PPARD: variants seen among roughly 807,000 people sequenced by gnomAD.
PPARD encodes peroxisome proliferator activated receptor delta.
PPARD carries 6 observed loss-of-function variants against 39.5 expected under a neutral mutation model. The observed-to-expected ratio is 0.15, with a 90% CI of 0.08 to 0.30. The LOEUF is 0.30. PPARD is among the 10% of genes least tolerant of loss of function. The pLI is 1.00. For missense variants in PPARD, 397 were observed against 596.8 expected (o/e 0.67, Z 3.49); for synonymous variants, 210 against 231.3 (o/e 0.91, Z 0.83).
At chr6:35,403,456 T>C (rs1298167037) in intron 2 of PPARD, among the ~76,000 whole-genome samples, 1 of 151,726 alleles carries the variant, frequency 6.6e-6, no homozygotes, top group African/African-American at 2.4e-5. Flanking sequence ...CTTTGGAGTA[T>C]TGCATCTCGA....
chr6:35,380,971 A>G (rs1763121616), intron 2 of PPARD, among the ~76,000 whole-genome samples: 1 of 151,902 alleles, frequency 6.6e-6, no homozygotes, highest in Non-Finnish European at 1.5e-5. Context: ...CCACCGCTCC[A>G]TCTCTCCAGG....
At chr6:35,398,852 G>A (rs1448936252) in intron 2 of PPARD, among the ~76,000 whole-genome samples, 1 of 152,206 alleles carries the variant, frequency 6.6e-6, no homozygotes, top group Non-Finnish European at 1.5e-5. Context: ...GGTGGCTTAT[G>A]TCTGTAATCC....
At chr6:35,377,425 A>G (rs1361058173) in intron 2 of PPARD, among the ~76,000 whole-genome samples, 3 of 152,206 alleles carry the variant, frequency 2.0e-5, no homozygotes, top group East Asian at 3.8e-4. Context: ...GAAGCTTTTC[A>G]TGATGCAGCC....
intron 2 of PPARD, among the ~76,000 whole-genome samples, chr6:35,372,582 T>A (rs1370173031): frequency 1.3e-5 from 2 of 152,256 alleles, no homozygotes; most frequent in Admixed American, 6.5e-5. Flanking sequence ...GTGACTTAAA[T>A]CCAGCCTACT....
intron 2 of PPARD, among the ~76,000 whole-genome samples, chr6:35,360,996 C>T (rs544430489): frequency 1.4e-4 from 22 of 152,174 alleles, no homozygotes; most frequent in Non-Finnish European, 2.8e-4. Flanking sequence ...TCATAGAGCT[C>T]GGGTAGCTAG....
chr6:35,391,720 T>C (rs772847841), intron 2 of PPARD, among the ~76,000 whole-genome samples: 4 of 152,184 alleles, frequency 2.6e-5, no homozygotes, highest in Non-Finnish European at 5.9e-5. Flanking sequence ...TGGAAGCCAG[T>C]ATGTCAGGAC....
Position 35,381,864 on chromosome 6 carries a change from A to G in PPARD, c.-101-29123A>G, listed in dbSNP as rs141739080. On this transcript the variant is annotated intron_variant, in intron 2 of 7. Transcript: ENST00000360694. ...CACCTACAATCTACTAGTTATGAAG[A>G]ACAGTCAAGGTGCCCCATTCCAGAG... Among the ~76,000 whole-genome samples, 45 of 152,366 alleles carry G rather than the reference A, an allele frequency of 3.0e-4. 1 individual carries two copies. In the East Asian group the frequency reaches 6.7e-3, roughly 23 times the overall value.
At chr6:35,406,444 C>CTGTA (rs1765055087) in intron 2 of PPARD, among the ~76,000 whole-genome samples, 1 of 152,150 alleles carries the variant, frequency 6.6e-6, no homozygotes, top group South Asian at 2.1e-4. Flanking sequence ...CAGACCTCAG[C>CTGTA]TGTAGATGGA....
intron 2 of PPARD, among the ~76,000 whole-genome samples, chr6:35,408,425 T>C (rs1189232085): frequency 6.6e-6 from 1 of 152,194 alleles, no homozygotes. Flanking sequence ...CTGCCCCAGC[T>C]GCCACTTGGA....
intron 4 of PPARD, among the ~76,000 whole-genome samples, chr6:35,420,810 A>T (rs1291517225): frequency 1.3e-5 from 2 of 149,994 alleles, no homozygotes; most frequent in South Asian, 2.1e-4. Context: ...TACCAAACTA[A>T]CAAAGAAGCT....
At chr6:35,394,014 T>A (rs553308464) in intron 2 of PPARD, among the ~76,000 whole-genome samples, 1 of 152,344 alleles carries the variant, frequency 6.6e-6, no homozygotes, top group Non-Finnish European at 1.5e-5. Context: ...CTCCTGACTC[T>A]TCTACTCCAC....
At chr6:35,385,295 A>G in intron 2 of PPARD, among the ~76,000 whole-genome samples, 1 of 150,258 alleles carries the variant, frequency 6.7e-6, no homozygotes, top group South Asian at 2.1e-4. Context: ...GTACTAAGAA[A>G]ACTTCTGCCT....
At chr6:35,355,427 C>T (rs939434026) in intron 2 of PPARD, among the ~76,000 whole-genome samples, 12 of 151,706 alleles carry the variant, frequency 7.9e-5, no homozygotes, top group Admixed American at 6.6e-4. Context: ...TGGTACATGC[C>T]TGTAGTTCCT....
rs540687692 is a variant in PPARD, at chr6:35,377,871, C to CTTTTTTTTTTTTTTTTTT, written c.-102+30732_-102+30733insTTTTTTTTTTTTTTTTTT. ...TGTGGGTCGCTGCTTGTTTACGTAT[C>CTTTTTTTTTTTTTTTTTT]TTTTTTTTTTTGAGACAGAGTGTTG... On this transcript the variant is annotated intron_variant, in intron 2 of 7. Transcript: ENST00000360694. Among the ~76,000 whole-genome samples, 999 of 120,214 alleles carry CTTTTTTTTTTTTTTTTTT rather than the reference C, an allele frequency of 8.3e-3. 120 individuals carry two copies. The highest frequency in any genetic ancestry group is 0.03 in the African/African-American group (680 of 22,730). 78.9% of individuals were successfully genotyped at this position (120,214 alleles called of 152,430 possible). A position where few individuals can be genotyped will look rare whatever the true frequency, so the allele number is the denominator to read the frequency against.
intron 4 of PPARD, among the ~76,000 whole-genome samples, chr6:35,421,397 G>T (rs934019400): frequency 2.4e-4 from 37 of 152,106 alleles, no homozygotes; most frequent in African/African-American, 8.2e-4. Context: ...GAGTGTAATG[G>T]CGCGATCTTG....
intron 2 of PPARD, among the ~76,000 whole-genome samples, chr6:35,389,089 G>A (rs1483421034): frequency 3.3e-5 from 5 of 152,154 alleles, no homozygotes; most frequent in African/African-American, 1.2e-4. Flanking sequence ...GAGGTGGGAG[G>A]ATAGCTTGAG....
rs138644369 is a variant in PPARD, at chr6:35,343,535, G to A, written c.-186+854G>A. ...CCTGCAGTTGACATAACCATGGGGT[G>A]GGGGTGGAGGTGTTCAGACCTTGAT... On this transcript the variant is annotated intron_variant, in intron 1 of 7. Coordinates refer to ENST00000360694, the MANE Select transcript of PPARD (RefSeq NM_006238.5). 2.6e-4 allele frequency among the ~76,000 whole-genome samples: 39 copies of A among 152,316 alleles called. 2 individuals are homozygous for A. In the East Asian group the frequency reaches 7.3e-3, roughly 29 times the overall value.
chr6:35,385,514 C>T (rs1231131754), intron 2 of PPARD, among the ~76,000 whole-genome samples: 1 of 149,398 alleles, frequency 6.7e-6, no homozygotes, highest in Non-Finnish European at 1.5e-5. Context: ...GCAGGGTCCT[C>T]TGCCTAGGAA....
chr6:35,380,476 G>GTTTTTTT (rs71002557), intron 2 of PPARD, among the ~76,000 whole-genome samples: 77 of 67,130 alleles, frequency 1.1e-3, no homozygotes, highest in East Asian at 1.6e-3. Flanking sequence ...TTTTTTGTTT[G>GTTTTTTT]TTTTTTTTTT....
Sources: gnomAD v4.1 joint callset for allele counts (sites outside exome capture counted in the v4.1 genomes callset) on GRCh38, gnomAD v4.1.1 for gene constraint, MANE v1.5 for transcripts, NCBI Gene and HGNC (gene_info 2026-07-23, HGNC 2026-07-21) for gene names.